Variants in SEMA3D observed in about 807,000 individuals in gnomAD.
SEMA3D encodes the protein semaphorin-3D.
In SEMA3D, 84 loss-of-function variants were observed where a neutral mutation model predicts 100.1. The ratio of observed to expected loss-of-function variants is 0.84; its 90% CI spans 0.70 to 1.01. SEMA3D has a LOEUF of 1.01. Ranked by LOEUF, SEMA3D falls within the 50% of genes least tolerant of loss-of-function variation. The pLI is 0.00. For synonymous variants in SEMA3D, 312 were observed against 320.7 expected (o/e 0.97, Z 0.29); for missense variants, 875 against 934.1 (o/e 0.94, Z 0.82).
intron 7 of SEMA3D, among the ~76,000 whole-genome samples, chr7:85,066,913 C>CAGAGAGAG (rs201123647): frequency 0.016 from 2,032 of 127,790 alleles, 28 homozygotes; most frequent in Middle Eastern, 0.049. Flanking sequence ...CACACACACA[C>CAGAGAGAG]AGAGAGAGAG....
intron 4 of SEMA3D, among the ~76,000 whole-genome samples, chr7:85,093,068 A>G (rs1036459607): frequency 6.6e-6 from 1 of 151,926 alleles, no homozygotes; most frequent in Non-Finnish European, 1.5e-5. Context: ...CAATATATAT[A>G]CCTCTTTTTG....
intron 8 of SEMA3D, among the ~76,000 whole-genome samples, chr7:85,058,854 T>C (rs994380967): frequency 6.6e-6 from 1 of 151,570 alleles, no homozygotes; most frequent in Non-Finnish European, 1.5e-5. Flanking sequence ...TGTATTTCAT[T>C]ACTATTATAT....
intron 12 of SEMA3D, among the ~76,000 whole-genome samples, chr7:85,036,478 C>G (rs1790697229): frequency 6.6e-6 from 1 of 151,826 alleles, no homozygotes; most frequent in South Asian, 2.1e-4. Context: ...TTAAGTGAAC[C>G]ATTATGATGT....
intron 9 of SEMA3D, chr7:85,050,758 T>C: frequency 3.9e-6 from 2 of 515,926 alleles, no homozygotes; most frequent in Non-Finnish European, 6.9e-6. Flanking sequence ...CTCCTAAAGA[T>C]AAAGAAAAAT....
the SEMA3D span, among the ~76,000 whole-genome samples, chr7:85,213,661 T>C: frequency 6.6e-6 from 1 of 150,942 alleles, no homozygotes; most frequent in Non-Finnish European, 1.5e-5. Context: ...TGTGTGATCC[T>C]TTAAGGGGAC....
the SEMA3D span, among the ~76,000 whole-genome samples, chr7:85,217,171 C>G: frequency 1.3e-5 from 2 of 152,056 alleles, no homozygotes; most frequent in African/African-American, 2.4e-5. Context: ...CTGCACTTCT[C>G]TAGCTATAAT....
intron 4 of SEMA3D, among the ~76,000 whole-genome samples, chr7:85,084,181 A>G (rs1788151250): frequency 6.6e-6 from 1 of 152,012 alleles, no homozygotes. Flanking sequence ...TTGAATTCAG[A>G]GTCTTTGCTT....
At chr7:85,105,813 CAT>C (rs1562820423) in intron 3 of SEMA3D, among the ~76,000 whole-genome samples, 1 of 152,000 alleles carries the variant, frequency 6.6e-6, no homozygotes, top group Non-Finnish European at 1.5e-5. Context: ...CATAGGGAAA[CAT>C]AAATTAGAAA....
chr7:85,080,837 C>A (rs968262186), intron 5 of SEMA3D, among the ~76,000 whole-genome samples: 1 of 152,092 alleles, frequency 6.6e-6, no homozygotes, highest in African/African-American at 2.4e-5. Flanking sequence ...CAGATAGGAC[C>A]ATACCAGAGA....
chr7:85,135,462 A>C (rs570865060), intron 2 of SEMA3D, among the ~76,000 whole-genome samples: 1 of 151,606 alleles, frequency 6.6e-6, no homozygotes, highest in Admixed American at 6.6e-5. Context: ...CAATGAGAAC[A>C]CTTGAACACA....
chr7:85,076,153 A>G (rs1791915889), intron 5 of SEMA3D, among the ~76,000 whole-genome samples: 1 of 152,176 alleles, frequency 6.6e-6, no homozygotes, highest in South Asian at 2.1e-4. Flanking sequence ...GGAGTAATGT[A>G]TTCAACTTAG....
At chr7:85,035,549 CA>C (rs1790671404) in intron 12 of SEMA3D, among the ~76,000 whole-genome samples, 1 of 151,836 alleles carries the variant, frequency 6.6e-6, no homozygotes, top group African/African-American at 2.4e-5. Context: ...ATAATAGAAT[CA>C]AAAAGCAGAA....
At chr7:85,058,440 A>G (rs967427692) in intron 8 of SEMA3D, among the ~76,000 whole-genome samples, 1 of 151,920 alleles carries the variant, frequency 6.6e-6, no homozygotes, top group Non-Finnish European at 1.5e-5. Flanking sequence ...CAGATTTTTT[A>G]TTTAAACATG....
chr7:85,059,596 G>A (rs1443218642), intron 8 of SEMA3D, among the ~76,000 whole-genome samples: 1 of 152,102 alleles, frequency 6.6e-6, no homozygotes, highest in Non-Finnish European at 1.5e-5. Flanking sequence ...GTGGTACAAA[G>A]TGTAGAGAAT....
chr7:85,210,034 C>T, the SEMA3D span, among the ~76,000 whole-genome samples: 2 of 152,058 alleles, frequency 1.3e-5, no homozygotes, highest in Admixed American at 6.6e-5. Context: ...ATCCAACCTC[C>T]TCATTTACTG....
At chr7:85,028,311 G>T in intron 12 of SEMA3D, 1 of 690,576 alleles carries the variant, frequency 1.4e-6, no homozygotes, top group Non-Finnish European at 2.6e-6. Context: ...AAAGATGCTG[G>T]AACTATTGCT....
chr7:85,161,404 C>A (rs1286793665), intron 1 of SEMA3D, among the ~76,000 whole-genome samples: 2 of 151,928 alleles, frequency 1.3e-5, no homozygotes, highest in Admixed American at 6.6e-5. Context: ...TAGATAGATA[C>A]AGAAATAAAT....
chr7:85,145,774 T>A (rs745497698), intron 2 of SEMA3D, among the ~76,000 whole-genome samples: 27 of 152,288 alleles, frequency 1.8e-4, no homozygotes, highest in Middle Eastern at 3.4e-3. Flanking sequence ...GGATATTGAT[T>A]CCAAGATCCT....
At chr7:85,232,039 A>G in the SEMA3D span, among the ~76,000 whole-genome samples, 4 of 152,212 alleles carry the variant, frequency 2.6e-5, no homozygotes, top group African/African-American at 4.8e-5. Context: ...TTAATGGACT[A>G]GGAAATAAGT....
Sources: gnomAD v4.1 joint callset for allele counts (sites outside exome capture counted in the v4.1 genomes callset) on GRCh38, gnomAD v4.1.1 for gene constraint, MANE v1.5 for transcripts, NCBI Gene and HGNC (gene_info 2026-07-23, HGNC 2026-07-21) for gene names.